The following HTR3B variants were observed in gnomAD, a reference collection of about 807,000 sequenced individuals.
HTR3B encodes 5-hydroxytryptamine receptor 3B, also known as 5-hydroxytryptamine (serotonin) receptor 3B, ionotropic.
In HTR3B, 44 loss-of-function variants were observed where a neutral mutation model predicts 42.8. The observed-to-expected ratio is 1.03, with a 90% CI of 0.81 to 1.32. The LOEUF (loss-of-function observed/expected upper bound fraction) is 1.32. Ranked by LOEUF, HTR3B falls within the 40% of genes most tolerant of loss-of-function variation. The probability of loss-of-function intolerance (pLI) is 0.00; values close to 1 mark genes in which losing one functional copy is unlikely to be tolerated. For synonymous variants in HTR3B, 203 were observed against 209.0 expected (o/e 0.97, Z 0.25); for missense variants, 527 against 536.5 (o/e 0.98, Z 0.17).
intron 2 of HTR3B, among the ~76,000 whole-genome samples, chr11:113,910,961 G>A (rs537918606): frequency 6.6e-6 from 1 of 151,268 alleles, no homozygotes; most frequent in African/African-American, 2.4e-5. Flanking sequence ...CGAGTAGCTG[G>A]GACTACAGGC....
Position 113,943,174 on chromosome 11 carries a change from G to A in HTR3B, c.889G>A (p.Gly297Arg). The change falls in exon 7 of 9, where the codon GGG becomes AGG. Residue 297 changes from glycine (G) to arginine (R), a missense_variant. Transcript: ENST00000260191. ...NMSNQVPRSV[G>R]STPLIGHFFT... is the part of the protein sequence containing the mutation. ...GTCCAACCAGGTGCCACGGAGTGTA[G>A]GGAGCACCCCTCTGATTGGTAAGCA... is the stretch of plus-strand genomic sequence containing the variant. The A allele has an allele frequency of 6.2e-7, 1 of 1,613,672 alleles. No individual in the cohort carries two copies. The highest frequency in any genetic ancestry group is 8.5e-7 in the Non-Finnish European group (1 of 1,179,790).
In HTR3B at chr11:113,932,916, ATTGT is replaced by A; in HGVS notation, c.539-15_539-12del. The A allele has an allele frequency of 6.2e-7, 1 of 1,609,580 alleles. No individual in the cohort carries two copies. The highest frequency in any genetic ancestry group is 8.5e-7 in the Non-Finnish European group (1 of 1,177,768). On this transcript the variant is annotated splice_polypyrimidine_tract_variant and intron_variant, in intron 5 of 8. Transcript: ENST00000260191. The stretch of plus-strand genomic sequence containing the variant: ...CATCTCTTTCTCTCTGGGAAAGTCA[ATTGT>A]TTGTGTTGTTTGCAGTGGAAGACGT...
chr11:113,936,293 A>G (rs1030879869), intron 6 of HTR3B, among the ~76,000 whole-genome samples: 3 of 152,162 alleles, frequency 2.0e-5, no homozygotes, highest in African/African-American at 7.2e-5. Context: ...CAGCTGTGGA[A>G]ACTAAACCGA....
chr11:113,909,297 A>C lies in HTR3B; in HGVS notation c.55A>C (p.Ile19Leu). Residue 19 changes from isoleucine to leucine, a missense_variant and splice_region_variant, in exon 2 of 9, where the codon ATT becomes CTT. Coordinates refer to ENST00000260191, the MANE Select transcript of HTR3B (RefSeq NM_006028.5). ...CACAATGATAGTTTATTTTCCAGGA[A>C]TTCTAGCCACAGATACACATCATCC... Reference protein sequence around the residue: ...LWACILVAAGILATDTHHPQD... With the variant: ...LWACILVAAGLLATDTHHPQD... 3.7e-6 allele frequency: 6 copies of C among 1,611,842 alleles called. No homozygotes were observed. Among genetic ancestry groups the C allele is most frequent in the Non-Finnish European group, 5.1e-6 (6 of 1,177,958 alleles).
At chr11:113,910,081 T>C (rs567854391) in intron 2 of HTR3B, among the ~76,000 whole-genome samples, 1 of 151,950 alleles carries the variant, frequency 6.6e-6, no homozygotes, top group African/African-American at 2.4e-5. Context: ...AGGTATTTTA[T>C]CCTATGGTTC....
chr11:113,931,928 G>T, intron 4 of HTR3B, 61 bp downstream of exon 4: 1 of 953,260 alleles, frequency 1.0e-6, no homozygotes, highest in African/African-American at 1.6e-5. Context: ...CGGGCCAGTT[G>T]CTGCTTACTT....
At chr11:113,915,816 A>G (rs1178353422) in intron 2 of HTR3B, among the ~76,000 whole-genome samples, 1 of 152,034 alleles carries the variant, frequency 6.6e-6, no homozygotes, top group Non-Finnish European at 1.5e-5. Flanking sequence ...CCACATAATC[A>G]CTACTCCTTG....
At chr11:113,936,485 T>C (rs1476866991) in intron 6 of HTR3B, among the ~76,000 whole-genome samples, 1 of 152,178 alleles carries the variant, frequency 6.6e-6, no homozygotes, top group Non-Finnish European at 1.5e-5. Flanking sequence ...GAGATACTTA[T>C]TGAATGCAGC....
chr11:113,936,054 T>A (rs1950089511), intron 6 of HTR3B, among the ~76,000 whole-genome samples: 1 of 152,084 alleles, frequency 6.6e-6, no homozygotes, highest in Non-Finnish European at 1.5e-5. Context: ...TAGGCACTTC[T>A]CCCTACAAAG....
intron 2 of HTR3B, among the ~76,000 whole-genome samples, chr11:113,926,468 T>TTTTCATTTCC (rs1949973961): frequency 6.2e-5 from 5 of 80,312 alleles, no homozygotes; most frequent in Admixed American, 1.6e-4. Flanking sequence ...CTTTCCTTTC[T>TTTTCATTTCC]TTTCCTTTCC....
chr11:113,929,700 A>C (rs960684526), intron 2 of HTR3B, among the ~76,000 whole-genome samples: 1 of 151,950 alleles, frequency 6.6e-6, no homozygotes, highest in Non-Finnish European at 1.5e-5. Context: ...TACTTTAGAG[A>C]GATGTCTATT....
intron 6 of HTR3B, 124 bp downstream of exon 6, chr11:113,933,217 C>T (rs1591582737): frequency 3.5e-5 from 33 of 939,698 alleles, no homozygotes; most frequent in Admixed American, 1.2e-4. Context: ...ACAGGGACTT[C>T]AGCGGGCTCT....
upstream of HTR3B, among the ~76,000 whole-genome samples, chr11:113,899,931 G>C (rs1206118736): frequency 6.6e-6 from 1 of 152,182 alleles, no homozygotes; most frequent in East Asian, 1.9e-4. Context: ...TCAAATCCCA[G>C]ATTAAGTCTT....
intron 2 of HTR3B, among the ~76,000 whole-genome samples, chr11:113,920,030 T>C (rs1350951637): frequency 1.3e-5 from 2 of 152,158 alleles, no homozygotes; most frequent in African/African-American, 4.8e-5. Context: ...TTTTTGTTTT[T>C]ATTTTTACTT....
intron 7 of HTR3B, among the ~76,000 whole-genome samples, 172 bp from the exon 8 acceptor site, chr11:113,944,401 T>C (rs1033119579): frequency 6.6e-6 from 1 of 151,552 alleles, no homozygotes; most frequent in Non-Finnish European, 1.5e-5. Flanking sequence ...TTCAGGAGGG[T>C]GAGGAGGGAG....
chr11:113,910,280 G>T (rs1949777600), intron 2 of HTR3B, among the ~76,000 whole-genome samples: 1 of 152,176 alleles, frequency 6.6e-6, no homozygotes, highest in Non-Finnish European at 1.5e-5. Flanking sequence ...TGAAAGATGG[G>T]CTGTGGGAAT....
intron 2 of HTR3B, among the ~76,000 whole-genome samples, chr11:113,913,493 G>A (rs1008471226): frequency 1.4e-5 from 2 of 146,470 alleles, no homozygotes; most frequent in African/African-American, 5.1e-5. Flanking sequence ...TTACGGGTGT[G>A]AGCCACCATG....
intron 8 of HTR3B, 78 bp downstream of exon 8, chr11:113,944,833 G>A: frequency 7.2e-7 from 1 of 1,396,166 alleles, no homozygotes; most frequent in Non-Finnish European, 9.9e-7. Context: ...GATGTACTAG[G>A]TATTGCGTTG....
At chr11:113,909,097 C>T in intron 1 of HTR3B, 198 bp from the exon 2 acceptor site, 1 of 589,860 alleles carries the variant, frequency 1.7e-6, no homozygotes, top group East Asian at 2.8e-5. Context: ...AATGAGGTTT[C>T]TCCATTGGGC....
Sources: gnomAD v4.1 joint callset for allele counts (sites outside exome capture counted in the v4.1 genomes callset) on GRCh38, gnomAD v4.1.1 for gene constraint, MANE v1.5 for transcripts, NCBI Gene and HGNC (gene_info 2026-07-23, HGNC 2026-07-21) for gene names.